OBSL1: variants seen among roughly 807,000 people sequenced by gnomAD.
The protein encoded by OBSL1 is obscurin like cytoskeletal adaptor 1, also known as obscurin-like protein 1.
In OBSL1, 160 loss-of-function variants were observed where a neutral mutation model predicts 172.0. The ratio of observed to expected loss-of-function variants is 0.93; its 90% CI spans 0.82 to 1.06. The LOEUF is 1.06. Ranked by LOEUF, OBSL1 falls within the 50% of genes least tolerant of loss-of-function variation. The pLI is 0.00. For missense variants in OBSL1, 2,681 were observed against 2,715.4 expected (o/e 0.99, Z 0.28); for synonymous variants, 1,200 against 1,196.3 (o/e 1.00, Z -0.06).
intron 20 of OBSL1, chr2:219,551,295 A>AG: frequency 7.1e-7 from 1 of 1,406,490 alleles, no homozygotes; most frequent in Non-Finnish European, 9.2e-7. Context: ...CCTGGCAAGA[A>AG]GGGGCGTAGA....
rs1177476031 is a variant in OBSL1, at chr2:219,566,842, G to C, written c.2122C>G (p.Leu708Val). ...CACTGGCACCAACCTTGGATTGTGA[G>C]GGCAGCTGAGTCCTGCACGCCGGGG... ...SCPGVQDSAALTIQESPVHIL... is the reference protein window; with the variant it reads ...SCPGVQDSAAVTIQESPVHIL... Residue 708 changes from leucine (L) to valine (V), a missense_variant, in exon 5 of 21, where the codon CTC becomes GTC. By Grantham distance (32) the Leu-to-Val change is conservative (BLOSUM62 1). Coordinates refer to ENST00000404537, the MANE Select transcript of OBSL1 (RefSeq NM_015311.3). 1 of 1,582,360 alleles carries C rather than the reference G, an allele frequency of 6.3e-7. No homozygotes were observed. Among genetic ancestry groups the C allele is most frequent in the African/African-American group, 1.3e-5 (1 of 74,310 alleles).
chr2:219,558,112 T>A lies in OBSL1; in HGVS notation c.3503-2A>T. ...GAGCAAGGAACTGCACTGGAGGCTCTGGAGAAGAGAGGAAGGTGTCATCCC... is the reference window on the plus strand; with the variant it reads ...GAGCAAGGAACTGCACTGGAGGCTCAGGAGAAGAGAGGAAGGTGTCATCCC... On this transcript the variant is annotated splice_acceptor_variant, in intron 10 of 20. Coordinates refer to ENST00000404537, the MANE Select transcript of OBSL1 (RefSeq NM_015311.3). LOFTEE classifies it high-confidence loss of function. 1 of 1,613,160 alleles carries A rather than the reference T, an allele frequency of 6.2e-7. No homozygotes were observed. The highest frequency in any genetic ancestry group is 8.5e-7 in the Non-Finnish European group (1 of 1,179,592).
At chr2:219,566,361 A>G (rs1327247782) in intron 5 of OBSL1, among the ~76,000 whole-genome samples, 1 of 152,078 alleles carries the variant, frequency 6.6e-6, no homozygotes, top group Non-Finnish European at 1.5e-5. Context: ...CCTGGGCGAC[A>G]GAGTGAGACT....
Position 219,557,233 on chromosome 2 carries a change from G to T in OBSL1, c.4066+110C>A, listed in dbSNP as rs1696081305. The T allele has an allele frequency of 1.7e-5, 19 of 1,119,264 alleles. No individual in the cohort carries two copies. The South Asian group carries it at 2.8e-4, about 17-fold the overall frequency. The allele number at this position is 1,119,264 out of a possible 1,614,324, so 69.3% of individuals were successfully genotyped here. A position where few individuals can be genotyped will look rare whatever the true frequency, so the allele number is the denominator to read the frequency against. On this transcript the variant is annotated intron_variant, in intron 12 of 20. Coordinates refer to ENST00000404537, the MANE Select transcript of OBSL1 (RefSeq NM_015311.3). ...CCAAGTGATGGTCATGCACGCACTG[G>T]TTGGAGCCAGAAGCAGCAAAGCGGG...
chr2:219,553,324 C>T (rs551362911), intron 16 of OBSL1, among the ~76,000 whole-genome samples: 3 of 152,300 alleles, frequency 2.0e-5, no homozygotes, highest in African/African-American at 7.2e-5. Context: ...AACCTGGATT[C>T]GAATATGGGC....
chr2:219,565,231 T>C lies in OBSL1; in HGVS notation c.2407+11A>G, dbSNP rs62191613. On this transcript the variant is annotated intron_variant, in intron 6 of 20. Transcript: ENST00000404537. ...TTGGCTGGAGGAGCCCAGGCTGGCATGCTTCCTGACCTTGGACAGTGACGC... is the reference window on the plus strand; with the variant it reads ...TTGGCTGGAGGAGCCCAGGCTGGCACGCTTCCTGACCTTGGACAGTGACGC... 1.6e-3 allele frequency: 2,636 copies of C among 1,600,200 alleles called. 2 individuals carry two copies. The highest frequency in any genetic ancestry group is 2.1e-3 in the Non-Finnish European group (2,465 of 1,171,318).
intron 6 of OBSL1, 117 bp downstream of exon 6, chr2:219,565,125 C>T: frequency 9.4e-7 from 1 of 1,063,592 alleles, no homozygotes; most frequent in Non-Finnish European, 1.3e-6. Flanking sequence ...GTCCCCTGGG[C>T]CACTGGACTC....
chr2:219,554,410 T>C (rs2106016276), intron 15 of OBSL1, 64 bp downstream of exon 15: 1 of 1,577,808 alleles, frequency 6.3e-7, no homozygotes, highest in East Asian at 2.2e-5. Flanking sequence ...GGGGTCAGTA[T>C]TCATGCCTGG....
Position 219,552,536 on chromosome 2 carries a change from C to T in OBSL1, c.5308G>A (p.Gly1770Arg). The T allele has an allele frequency of 6.3e-7, 1 of 1,596,004 alleles. No homozygotes were observed. Among genetic ancestry groups the T allele is most frequent in the African/African-American group, 1.3e-5 (1 of 74,890 alleles). Residue 1770 changes from glycine to arginine, a missense_variant and splice_region_variant, in exon 18 of 21, where the codon GGG becomes AGG. By Grantham distance (125) the Gly-to-Arg change is moderately radical (BLOSUM62 -2). Transcript: ENST00000404537. ...PGARVRIRQEGKKHILVLSEL... is the reference protein window; with the variant it reads ...PGARVRIRQERKKHILVLSEL... ...CGAAAGGGTAACCAGGCGGGCAGAC[C>T]TTCCTGTCGGATGCGGACGCGGGCT...
downstream of OBSL1, chr2:219,548,210 G>A: frequency 2.3e-6 from 2 of 872,460 alleles, no homozygotes; most frequent in South Asian, 3.8e-5. Context: ...GACTTGCTCA[G>A]GGTCTGGGAG....
At position 219,567,813 on chromosome 2, in the gene OBSL1, T is replaced by C. The variant is rs377126322; in HGVS notation, c.1439A>G (p.His480Arg). ...GGTGACCCCTGGAAGGACCAGGGCA[T>C]GCATGTGGCCTGAGCTGCTCTGGCA... The part of the protein sequence containing the change: ...VICQSSSGHM[H>R]ALVLPGVTRE... Residue 480 changes from histidine (H) to arginine (R), a missense_variant, in exon 3 of 21, where the codon CAT (histidine) becomes CGT (arginine). Transcript: ENST00000404537. 7.4e-5 allele frequency: 120 copies of C among 1,613,808 alleles called. No individual in the cohort carries two copies. The highest frequency in any genetic ancestry group is 1.0e-4 in the Non-Finnish European group (118 of 1,179,870).
At chr2:219,562,821 C>G (rs1696586863) in intron 7 of OBSL1, 147 bp from the exon 8 acceptor site, 1 of 815,100 alleles carries the variant, frequency 1.2e-6, no homozygotes. Flanking sequence ...CTGACAGTTA[C>G]TCACAGCTAG....
rs1311899121 is a variant in OBSL1 at position 219,571,345 on chromosome 2, G to A, written c.-113C>T. The stretch of plus-strand genomic sequence containing the variant: ...GGGCGCGGCTGGGGACTGGGCGCGG[G>A]GACCCGCGGAGCTCTCCCGGGCCTC... On this transcript the variant is annotated 5_prime_UTR_variant, in exon 1 of 21. Coordinates refer to ENST00000404537, the MANE Select transcript of OBSL1 (RefSeq NM_015311.3). 6 of 645,186 alleles carry A rather than the reference G, an allele frequency of 9.3e-6. No individual in the cohort carries two copies. Among genetic ancestry groups the A allele is most frequent in the East Asian group, 7.8e-5 (2 of 25,710 alleles). The allele number at this position is 645,186 out of a possible 1,614,324, so 40.0% of individuals were successfully genotyped here.
chr2:219,571,261 AC>A lies in OBSL1; in HGVS notation c.-30del. On this transcript the variant is annotated 5_prime_UTR_variant, in exon 1 of 21. Transcript: ENST00000404537. ...GGCGGCCGACCGCCTGCAGCGGCGA[AC>A]GGTGGGGGGGCAGGGGGGGGTGCGG... 1 of 905,282 alleles carries A rather than the reference AC, an allele frequency of 1.1e-6. No homozygotes were observed. The highest frequency in any genetic ancestry group is 4.5e-4 in the Middle Eastern group (1 of 2,236). 56.1% of individuals were successfully genotyped at this position (905,282 alleles called of 1,614,324 possible).
In OBSL1 at chr2:219,556,675, T is replaced by C. The variant is rs774082273; in HGVS notation, c.4115A>G (p.His1372Arg). Residue 1372 changes from histidine (H) to arginine (R), a missense_variant, in exon 13 of 21, where the codon CAC becomes CGC. Physicochemically the swap from His to Arg is conservative, Grantham distance 29. Coordinates refer to ENST00000404537, the MANE Select transcript of OBSL1 (RefSeq NM_015311.3). ...CCGGAACGTGGCATCATCGCCCTCG[T>C]GGACAGTGAGTGGTGTCAGCTCCGA... Reference protein sequence around the residue: ...LVSELTPLTVHEGDDATFRCE... With the variant: ...LVSELTPLTVREGDDATFRCE... 1 of 1,611,078 alleles carries C rather than the reference T, an allele frequency of 6.2e-7. No homozygotes were observed. Among genetic ancestry groups the C allele is most frequent in the East Asian group, 2.2e-5 (1 of 44,812 alleles).
chr2:219,556,013 C>T lies in OBSL1; in HGVS notation c.4609+7G>A. On this transcript the variant is annotated splice_region_variant and intron_variant, in intron 14 of 20. Coordinates refer to ENST00000404537, the MANE Select transcript of OBSL1 (RefSeq NM_015311.3). ...GGTAATGCATTAAGAGAGGACGGGG[C>T]ACTCACGCCTCACGCTGAGCCTGGC... The T allele has an allele frequency of 6.2e-7, 1 of 1,612,986 alleles. No individual in the cohort carries two copies. The highest frequency in any genetic ancestry group is 1.3e-5 in the African/African-American group (1 of 75,038).
rs770908270 is a variant in OBSL1 at position 219,570,600 on chromosome 2, G to A, written c.633C>T (p.Ala211=). 15 of 1,516,884 alleles carry A rather than the reference G, an allele frequency of 9.9e-6. No individual in the cohort carries two copies. Among genetic ancestry groups the A allele is most frequent in the East Asian group, 5.3e-5 (2 of 38,060 alleles). The allele number at this position is 1,516,884 out of a possible 1,614,324, so 94.0% of individuals were successfully genotyped here. The change falls in exon 1 of 21, where the codon GCC becomes GCT. Residue 211 remains alanine, a synonymous_variant. Coordinates refer to ENST00000404537, the MANE Select transcript of OBSL1 (RefSeq NM_015311.3). ...LPDSGVYVCH[A]RNAHGHAQAG... ...CCTGCGCGTGGCCGTGCGCGTTGCG[G>A]GCGTGGCACACGTAGACGCCGGAAT...
intron 19 of OBSL1, 93 bp downstream of exon 19, chr2:219,552,019 G>C (rs1695649431): frequency 1.6e-6 from 2 of 1,279,528 alleles, no homozygotes; most frequent in African/African-American, 3.0e-5. Context: ...GGAAGAGAGA[G>C]GCAGCGTTCT....
Position 219,566,920 on chromosome 2 carries a change from T to C in OBSL1, c.2044A>G (p.Ile682Val), listed in dbSNP as rs757451899. 6.2e-7 allele frequency: 1 copy of C among 1,612,832 alleles called. No individual in the cohort carries two copies. The highest frequency in any genetic ancestry group is 8.5e-7 in the Non-Finnish European group (1 of 1,179,022). Residue 682 changes from isoleucine (I) to valine (V), a missense_variant, in exon 5 of 21, where the codon ATC becomes GTC. Ile to Val is a conservative substitution (Grantham distance 29, BLOSUM62 3). Coordinates refer to ENST00000404537, the MANE Select transcript of OBSL1 (RefSeq NM_015311.3). ...TCCTGGTGCTTGACGGCATGCAGGATGAGTCTGTGCTGCAGACCCTTCTGC... is the reference window on the plus strand; with the variant it reads ...TCCTGGTGCTTGACGGCATGCAGGACGAGTCTGTGCTGCAGACCCTTCTGC... ...IEQKGLQHRLILHAVKHQDSG... is the reference protein window; with the variant it reads ...IEQKGLQHRLVLHAVKHQDSG...
Sources: allele counts gnomAD v4.1 joint callset (sites outside exome capture counted in the v4.1 genomes callset), GRCh38; gene constraint gnomAD v4.1.1; transcripts MANE v1.5; gene names NCBI Gene and HGNC (gene_info 2026-07-23, HGNC 2026-07-21).